AIG1: variants seen among roughly 807,000 people sequenced by gnomAD.
The protein encoded by AIG1 is androgen induced 1, also known as androgen-induced gene 1 protein.
A neutral mutation model predicts 31.4 loss-of-function variants in AIG1; 23 were observed. That is an observed-to-expected ratio of 0.73 (90% confidence interval 0.53 to 1.04). The LOEUF (loss-of-function observed/expected upper bound fraction) is 1.04, where lower values mean the gene tolerates loss of function less well. Among genes scored for constraint, AIG1 ranks in the 50% least tolerant of loss-of-function variants. AIG1 has a pLI of 0.00. For missense variants in AIG1, 274 were observed against 295.0 expected, an observed-to-expected ratio of 0.93 and a Z score of 0.52; for synonymous variants, 100 against 110.5, an observed-to-expected ratio of 0.90 and a Z score of 0.60.
chr6:143,213,068 C>T (rs1791715296), intron 3 of AIG1, among the ~76,000 whole-genome samples: 1 of 152,116 alleles, frequency 6.6e-6, no homozygotes, highest in South Asian at 2.1e-4. Flanking sequence ...CCCTAAATAG[C>T]CCCTTGAATA....
intron 4 of AIG1, among the ~76,000 whole-genome samples, chr6:143,305,411 T>G (rs1039055170): frequency 6.6e-5 from 10 of 152,202 alleles, no homozygotes; most frequent in Non-Finnish European, 1.3e-4. Flanking sequence ...TCCCAGAGAT[T>G]CTGGTATGTT....
At chr6:143,212,903 G>T (rs990581007) in intron 3 of AIG1, among the ~76,000 whole-genome samples, 1 of 152,180 alleles carries the variant, frequency 6.6e-6, no homozygotes, top group African/African-American at 2.4e-5. Flanking sequence ...TAAGATTTCT[G>T]ATTTTAAACC....
intron 1 of AIG1, among the ~76,000 whole-genome samples, chr6:143,124,592 T>G (rs1724716220): frequency 6.6e-6 from 1 of 152,190 alleles, no homozygotes; most frequent in South Asian, 2.1e-4. Context: ...AGTGAGGTCT[T>G]GTATTAGTCT....
rs1486920497 is a variant in AIG1 at position 143,292,003 on chromosome 6, C to T, written c.515+7778C>T. 6.6e-6 allele frequency among the ~76,000 whole-genome samples: 1 copy of T among 152,106 alleles called. No individual in the cohort carries two copies. Among genetic ancestry groups the T allele is most frequent in the Non-Finnish European group, 1.5e-5 (1 of 68,008 alleles). On this transcript the variant is annotated intron_variant, in intron 4 of 5. Transcript: ENST00000357847. This position sits in a 1 kb window ranked among gnomAD's most constrained non-coding sequence, Gnocchi z 4.9. ...GAGAAGAGAAGGCTATAGAAGAAAT[C>T]CTGATAAGAGATGAAGTGGCCTGGA...
intron 1 of AIG1, among the ~76,000 whole-genome samples, chr6:143,067,495 AC>A (rs1442520228): frequency 6.6e-6 from 1 of 152,206 alleles, no homozygotes; most frequent in Non-Finnish European, 1.5e-5. Flanking sequence ...CCTGGACGAT[AC>A]CATTTTTGCT....
intron 3 of AIG1, among the ~76,000 whole-genome samples, chr6:143,210,615 G>T (rs2128615025): frequency 6.6e-6 from 1 of 152,318 alleles, no homozygotes; most frequent in South Asian, 2.1e-4. Flanking sequence ...ATTGTAGAAA[G>T]GCTGCTTGTA....
At chr6:143,312,785 A>G (rs1000523150) in intron 4 of AIG1, among the ~76,000 whole-genome samples, 5 of 151,314 alleles carry the variant, frequency 3.3e-5, no homozygotes, top group Admixed American at 1.3e-4. Context: ...ACAGATTGGG[A>G]AAAAAAATAC....
At chr6:143,231,380 G>A (rs971940998) in intron 3 of AIG1, among the ~76,000 whole-genome samples, 7 of 152,152 alleles carry the variant, frequency 4.6e-5, no homozygotes, top group African/African-American at 1.7e-4. Context: ...AAGGTATTAT[G>A]CTAATTTTTA....
At chr6:143,143,410 A>G (rs1245324001) in intron 2 of AIG1, among the ~76,000 whole-genome samples, 2 of 144,922 alleles carry the variant, frequency 1.4e-5, no homozygotes, top group South Asian at 2.3e-4. Flanking sequence ...CTGAGGCAGG[A>G]GAATGGCGTG....
At chr6:143,172,522 GTTTTC>G (rs1219824257) in intron 3 of AIG1, among the ~76,000 whole-genome samples, 1 of 152,136 alleles carries the variant, frequency 6.6e-6, no homozygotes, top group Admixed American at 6.5e-5. Flanking sequence ...TTGGTCTGTA[GTTTTC>G]TTTTGTTGTT....
chr6:143,209,716 A>T (rs1052949332), intron 3 of AIG1, among the ~76,000 whole-genome samples: 2 of 152,200 alleles, frequency 1.3e-5, no homozygotes, highest in Non-Finnish European at 2.9e-5. Flanking sequence ...GAATTGTGAG[A>T]TAATAAATAT....
rs146620016 is a variant in AIG1, at chr6:143,253,834, G to C, written c.400-30276G>C. 3.3e-3 allele frequency among the ~76,000 whole-genome samples: 502 copies of C among 152,094 alleles called. 3 individuals carry two copies. Among genetic ancestry groups the C allele is most frequent in the African/African-American group, 0.012 (477 of 41,458 alleles). The stretch of plus-strand genomic sequence containing the variant: ...ATCACGAAGTTACTGGTCTTGGTTT[G>C]TTTACATTGAATCTCATGGGTTAGT... On this transcript the variant is annotated intron_variant, in intron 3 of 5. Coordinates refer to ENST00000357847, the MANE Select transcript of AIG1 (RefSeq NM_016108.4).
chr6:143,065,896 A>G (rs960664209), intron 1 of AIG1, among the ~76,000 whole-genome samples: 4 of 152,244 alleles, frequency 2.6e-5, no homozygotes, highest in African/African-American at 9.6e-5. Flanking sequence ...ATTGAAACAT[A>G]TCTGGGAATC....
intron 4 of AIG1, among the ~76,000 whole-genome samples, chr6:143,305,963 C>T (rs1054775923): frequency 2.0e-5 from 3 of 151,818 alleles, no homozygotes; most frequent in African/African-American, 7.3e-5. Context: ...TGAATTGATC[C>T]CTTTACCATT....
chr6:143,216,831 A>C (rs1792069068), intron 3 of AIG1, among the ~76,000 whole-genome samples: 1 of 152,288 alleles, frequency 6.6e-6, no homozygotes, highest in African/African-American at 2.4e-5. Flanking sequence ...GGAGAGGAGG[A>C]ATCTCAAACA....
At chr6:143,215,154 A>G (rs1460429639) in intron 3 of AIG1, among the ~76,000 whole-genome samples, 1 of 151,950 alleles carries the variant, frequency 6.6e-6, no homozygotes, top group Non-Finnish European at 1.5e-5. Flanking sequence ...ACTGATTCAT[A>G]ATTGGCTAAT....
chr6:143,068,445 G>A (rs1266155070), intron 1 of AIG1, among the ~76,000 whole-genome samples: 1 of 152,208 alleles, frequency 6.6e-6, no homozygotes, highest in African/African-American at 2.4e-5. Flanking sequence ...TGGAAGCAGA[G>A]CTTTCTTGGA....
intron 2 of AIG1, among the ~76,000 whole-genome samples, chr6:143,143,528 A>AAAAAATATATATATATATAT (rs1554249782): frequency 7.2e-5 from 2 of 27,786 alleles, no homozygotes; most frequent in Admixed American, 4.8e-4. Context: ...AAAAAAAAAA[A>AAAAAATATATATATATATAT]ATATATATAT....
In AIG1 at chr6:143,339,743, C is replaced by A; in HGVS notation, c.*67C>A. 3 of 1,559,080 alleles carry A rather than the reference C, an allele frequency of 1.9e-6. No individual in the cohort carries two copies. Among genetic ancestry groups the A allele is most frequent in the East Asian group, 2.3e-5 (1 of 43,922 alleles). ...AAGACTCCTTCCCCTCGGGCATTGG[C>A]AGTGGGGGAGAAAAGGCTTCAAAGG... On this transcript the variant is annotated 3_prime_UTR_variant, in exon 6 of 6. Coordinates refer to ENST00000357847, the MANE Select transcript of AIG1 (RefSeq NM_016108.4).
Sources: allele counts gnomAD v4.1 joint callset (sites outside exome capture counted in the v4.1 genomes callset), GRCh38; gene constraint gnomAD v4.1.1; non-coding constraint Gnocchi (gnomAD v3.1); transcripts MANE v1.5; gene names NCBI Gene and HGNC (gene_info 2026-07-23, HGNC 2026-07-21).